Variants in TMCC1 observed in about 807,000 individuals in gnomAD.
The protein encoded by TMCC1 is transmembrane and coiled-coil domain family 1.
In TMCC1, 15 loss-of-function variants were observed where a neutral mutation model predicts 52.4. The observed-to-expected ratio is 0.29, with a 90% CI of 0.19 to 0.44. The LOEUF (loss-of-function observed/expected upper bound fraction) is 0.44. Among genes scored for constraint, TMCC1 ranks in the 20% least tolerant of loss-of-function variants. TMCC1 has a pLI of 1.00. For missense variants in TMCC1, 503 were observed against 806.0 expected (o/e 0.62, Z 4.55); for synonymous variants, 279 against 301.9 (o/e 0.92, Z 0.79).
chr3:129,705,737 C>T (rs2048175209), intron 4 of TMCC1, among the ~76,000 whole-genome samples: 2 of 150,932 alleles, frequency 1.3e-5, no homozygotes, highest in South Asian at 2.1e-4. Context: ...GGACTACAGG[C>T]GCCCGCCACC....
chr3:129,719,385 A>G (rs1371321129), intron 4 of TMCC1, among the ~76,000 whole-genome samples: 2 of 152,180 alleles, frequency 1.3e-5, no homozygotes, highest in East Asian at 3.8e-4. Flanking sequence ...TTTCATCTGC[A>G]TCCTTTATAA....
At chr3:129,827,346 C>A (rs2058702460) in intron 4 of TMCC1, among the ~76,000 whole-genome samples, 2 of 152,182 alleles carry the variant, frequency 1.3e-5, no homozygotes, top group Non-Finnish European at 2.9e-5. Context: ...ATGAATGCTG[C>A]TGATGTACTA....
chr3:129,886,253 GACA>G (rs1275645071), intron 1 of TMCC1, among the ~76,000 whole-genome samples: 3 of 152,104 alleles, frequency 2.0e-5, no homozygotes, highest in Admixed American at 2.0e-4. Flanking sequence ...ATTCTATAAA[GACA>G]ACAAGAAAAT....
At chr3:129,785,932 CCTTTTTT>C (rs1320843353) in intron 4 of TMCC1, among the ~76,000 whole-genome samples, 145 of 66,016 alleles carry the variant, frequency 2.2e-3, no homozygotes, top group African/African-American at 7.9e-3. Flanking sequence ...ACCCTCACCC[CCTTTTTT>C]TTTTTTTTTT....
At chr3:129,755,852 C>G (rs2052952242) in intron 4 of TMCC1, among the ~76,000 whole-genome samples, 1 of 152,158 alleles carries the variant, frequency 6.6e-6, no homozygotes, top group African/African-American at 2.4e-5. Context: ...CCCGTAATCT[C>G]AACACTTTGG....
At chr3:129,767,045 T>C (rs2054183336) in intron 4 of TMCC1, among the ~76,000 whole-genome samples, 1 of 151,940 alleles carries the variant, frequency 6.6e-6, no homozygotes, top group African/African-American at 2.4e-5. Flanking sequence ...GCAGATCACC[T>C]GAGGCCAGGA....
chr3:129,786,942 C>A (rs559069725), intron 4 of TMCC1, among the ~76,000 whole-genome samples: 19 of 152,300 alleles, frequency 1.2e-4, no homozygotes, highest in Middle Eastern at 6.8e-3. Context: ...TTATCCAGAC[C>A]TGGCTAGAAA....
chr3:129,749,104 C>T (rs1234810699), intron 4 of TMCC1, among the ~76,000 whole-genome samples: 1 of 151,476 alleles, frequency 6.6e-6, no homozygotes, highest in Non-Finnish European at 1.5e-5. Context: ...CAAAAGTTAC[C>T]GCCCCCTCAA....
chr3:129,730,650 C>T lies in TMCC1; in HGVS notation c.577-59386G>A, dbSNP rs536050092. 2.6e-5 allele frequency among the ~76,000 whole-genome samples: 4 copies of T among 152,116 alleles called. No homozygotes were observed. The South Asian group carries it at 6.2e-4, about 24-fold the overall frequency. ...TGACTCTTCTAGTTCTTTTGCCTTT[C>T]GATATATATTTAAGAATAAGCTTGT... On this transcript the variant is annotated intron_variant, in intron 4 of 6. Coordinates refer to ENST00000393238, the MANE Select transcript of TMCC1 (RefSeq NM_001017395.5).
chr3:129,808,493 A>G (rs762523517), intron 4 of TMCC1, among the ~76,000 whole-genome samples: 4 of 151,400 alleles, frequency 2.6e-5, no homozygotes, highest in Non-Finnish European at 5.9e-5. Flanking sequence ...AATAATAATA[A>G]TAATAATAAT....
At chr3:129,675,119 C>G (rs1433822530) in intron 4 of TMCC1, among the ~76,000 whole-genome samples, 1 of 152,226 alleles carries the variant, frequency 6.6e-6, no homozygotes, top group East Asian at 1.9e-4. Flanking sequence ...TAGGCGTGAG[C>G]CACTGTGCCC....
intron 4 of TMCC1, among the ~76,000 whole-genome samples, chr3:129,797,524 T>C (rs1170308127): frequency 6.6e-6 from 1 of 152,086 alleles, no homozygotes; most frequent in Non-Finnish European, 1.5e-5. Flanking sequence ...GGCAGATTGC[T>C]TGAGCTCAGA....
At chr3:129,779,916 T>C (rs1353775731) in intron 4 of TMCC1, among the ~76,000 whole-genome samples, 6 of 152,176 alleles carry the variant, frequency 3.9e-5, no homozygotes, top group African/African-American at 1.4e-4. Context: ...TAACACCACT[T>C]TGTCACTTTA....
At chr3:129,701,825 A>G (rs1316448187) in intron 4 of TMCC1, among the ~76,000 whole-genome samples, 1 of 152,192 alleles carries the variant, frequency 6.6e-6, no homozygotes, top group African/African-American at 2.4e-5. Flanking sequence ...GCAAAACATC[A>G]TATAAAGCCA....
At chr3:129,869,362 T>C (rs1224132562) in intron 2 of TMCC1, among the ~76,000 whole-genome samples, 1 of 152,218 alleles carries the variant, frequency 6.6e-6, no homozygotes, top group East Asian at 1.9e-4. Context: ...GTACCCTTTA[T>C]AATAAATTGA....
chr3:129,659,658 A>G (rs1239000993), intron 5 of TMCC1, among the ~76,000 whole-genome samples: 4 of 152,228 alleles, frequency 2.6e-5, no homozygotes, highest in Non-Finnish European at 4.4e-5. Flanking sequence ...AATGTTTATC[A>G]TAAGAAGGTT....
intron 2 of TMCC1, among the ~76,000 whole-genome samples, chr3:129,877,397 G>A (rs2061266485): frequency 6.6e-6 from 1 of 152,082 alleles, no homozygotes; most frequent in African/African-American, 2.4e-5. Flanking sequence ...CTGCTACTAA[G>A]TCTTCCTTGA....
intron 2 of TMCC1, among the ~76,000 whole-genome samples, chr3:129,835,345 A>ATTTTT (rs1553885870): frequency 8.5e-4 from 129 of 151,762 alleles, no homozygotes; most frequent in African/African-American, 2.9e-3. Context: ...ATATATATAT[A>ATTTTT]TTTTAATGAC....
intron 4 of TMCC1, among the ~76,000 whole-genome samples, chr3:129,719,633 G>A (rs2049401194): frequency 6.6e-6 from 1 of 152,128 alleles, no homozygotes; most frequent in South Asian, 2.1e-4. Flanking sequence ...TTGAATTAAA[G>A]GATACCCAGC....
Sources: allele counts gnomAD v4.1 joint callset (sites outside exome capture counted in the v4.1 genomes callset), GRCh38; gene constraint gnomAD v4.1.1; transcripts MANE v1.5; gene names NCBI Gene and HGNC (gene_info 2026-07-23, HGNC 2026-07-21).